Variants in DACT2 observed in about 807,000 individuals in gnomAD.
DACT2 encodes dapper homolog 2.
DACT2 carries 20 observed loss-of-function variants against 22.2 expected under a neutral mutation model. The observed-to-expected ratio is 0.90, with a 90% confidence interval of 0.63 to 1.31. The LOEUF (loss-of-function observed/expected upper bound fraction) is 1.31. Ranked by LOEUF, DACT2 falls within the 50% of genes most tolerant of loss-of-function variation. DACT2 has a pLI of 0.00. For synonymous variants in DACT2, 463 were observed against 479.8 expected (o/e 0.96, Z 0.46); for missense variants, 1,048 against 1,061.4 (o/e 0.99, Z 0.18).
intron 3 of DACT2, chr6:168,298,978 C>T (rs1458966991): frequency 6.6e-6 from 1 of 152,110 alleles, no homozygotes; most frequent in Non-Finnish European, 1.5e-5. Context: ...AATTATTAAT[C>T]ATATATACTC....
At chr6:168,313,138 C>T (rs907793774) in intron 1 of DACT2, among the ~76,000 whole-genome samples, 6 of 152,208 alleles carry the variant, frequency 3.9e-5, no homozygotes, top group African/African-American at 1.4e-4. Flanking sequence ...GCTCCACCTC[C>T]CGGGTTCAAG....
rs140863850 is a variant in DACT2, at chr6:168,297,711, CAG to C, written c.659-3009_659-3008del. Among the ~76,000 whole-genome samples the C allele has an allele frequency of 4.0e-4, 61 of 152,352 alleles. No homozygotes were observed. In the East Asian group the frequency reaches 5.6e-3, roughly 14 times the overall value. On this transcript the variant is annotated intron_variant, in intron 3 of 5. Transcript: ENST00000366796. The stretch of plus-strand genomic sequence containing the variant: ...CTGGGAGAGACATGGGGTATCTATA[CAG>C]AGAGAGTCTTGCTTGCGTGGACAGA...
At chr6:168,303,782 C>T (rs576698439), downstream of DACT2, among the ~76,000 whole-genome samples, 35 of 144,698 alleles carry the variant, frequency 2.4e-4, no homozygotes, top group Admixed American at 5.3e-4. Flanking sequence ...AGTAATGATA[C>T]GCTCTGTTTT....
exon 6 of DACT2, chr6:168,293,789 G>A (rs1778951422): frequency 5.8e-6 from 4 of 693,514 alleles, no homozygotes; most frequent in Non-Finnish European, 1.1e-5. Context: ...GCGGGCAGAG[G>A]GGGGCCGATG....
exon 6 of DACT2, chr6:168,293,828 C>T (rs1265621551): frequency 1.0e-5 from 7 of 701,868 alleles, no homozygotes; most frequent in Non-Finnish European, 1.8e-5. Flanking sequence ...GGGCCTGTGG[C>T]CAGGACCCGA....
intron 1 of DACT2, among the ~76,000 whole-genome samples, chr6:168,312,702 G>C (rs547972543): frequency 6.6e-6 from 1 of 152,314 alleles, no homozygotes; most frequent in Non-Finnish European, 1.5e-5. Flanking sequence ...TAATTATGTG[G>C]TTGTTTCTCT....
At chr6:168,301,484 G>T (rs1779103344) in intron 3 of DACT2, among the ~76,000 whole-genome samples, 1 of 152,190 alleles carries the variant, frequency 6.6e-6, no homozygotes, top group Admixed American at 6.5e-5. Flanking sequence ...GAGCCACATT[G>T]CCATCTTTAG....
At chr6:168,311,434 T>C in intron 1 of DACT2, 150 bp from the exon 2 acceptor site, 1 of 1,099,066 alleles carries the variant, frequency 9.1e-7, no homozygotes, top group Non-Finnish European at 1.3e-6. Context: ...CTGCCCCTGC[T>C]CACTCTGAAG....
chr6:168,303,569 C>T (rs530816405), downstream of DACT2, among the ~76,000 whole-genome samples: 1 of 152,318 alleles, frequency 6.6e-6, no homozygotes, highest in African/African-American at 2.4e-5. Context: ...AGCATAAAGG[C>T]CTTATCAGAT....
In DACT2 at chr6:168,307,501, G is replaced by A. The variant is rs1327601176; in HGVS notation, c.2256C>T (p.Ala752=). 1.9e-5 allele frequency: 30 copies of A among 1,551,534 alleles called. No homozygotes were observed. Among genetic ancestry groups the A allele is most frequent in the Non-Finnish European group, 2.4e-5 (27 of 1,147,000 alleles). ...GGATCTTCTTCTTCAGGGCCTTGGA[G>A]GCCTTAATACGGCACAGCTTGGGCA... ...SPVPKLCRIK[A]SKALKKKIRR... The change falls in exon 4 of 4, where the codon GCC becomes GCT. Residue 752 remains alanine, a synonymous_variant. Coordinates refer to ENST00000366795, the MANE Select transcript of DACT2 (RefSeq NM_214462.5). This position sits in a 1 kb window ranked among gnomAD's most constrained non-coding sequence, Gnocchi z 5.3.
At chr6:168,311,120 C>A (rs763977992) in intron 2 of DACT2, 32 bp downstream of exon 2, 38 of 1,499,580 alleles carry the variant, frequency 2.5e-5, no homozygotes, top group Admixed American at 8.2e-5. Context: ...CGTGCCTGCC[C>A]CTGTGTCCGG....
intron 3 of DACT2, among the ~76,000 whole-genome samples, chr6:168,297,856 G>A (rs1186399349): frequency 2.0e-5 from 3 of 152,280 alleles, no homozygotes; most frequent in African/African-American, 7.2e-5. Context: ...GCCCAGTCAA[G>A]GGCAGCACGG....
chr6:168,294,575 G>GTATATATATATATATATATATATATATA (rs778559132), intron 4 of DACT2: 1 of 323,524 alleles, frequency 3.1e-6, no homozygotes. Flanking sequence ...GTGTGTGTGT[G>GTATATATATATATATATATATATATATA]TGTATATATA....
chr6:168,314,735 T>A (rs1397899233), intron 1 of DACT2, among the ~76,000 whole-genome samples: 1 of 152,172 alleles, frequency 6.6e-6, no homozygotes, highest in Non-Finnish European at 1.5e-5. Flanking sequence ...AGATGGGATC[T>A]GAAACACCTC....
At chr6:168,306,842 G>C, downstream of DACT2, 1 of 971,972 alleles carries the variant, frequency 1.0e-6, no homozygotes, top group Non-Finnish European at 1.2e-6. Context: ...CCCTGTGATG[G>C]GCAGGCATGA....
chr6:168,314,159 G>C (rs182287327), intron 1 of DACT2, among the ~76,000 whole-genome samples: 9 of 152,304 alleles, frequency 5.9e-5, no homozygotes, highest in Non-Finnish European at 1.0e-4. Flanking sequence ...GCCAGCCCTA[G>C]AGCGTGATCT....
intron 3 of DACT2, among the ~76,000 whole-genome samples, chr6:168,309,809 C>A (rs758597954): frequency 5.8e-4 from 89 of 152,234 alleles, no homozygotes; most frequent in Non-Finnish European, 4.1e-4. Context: ...CCTGGGCCAG[C>A]GGGTGGGATC....
In DACT2 at chr6:168,310,154, T is replaced by C. The variant is rs1019638953; in HGVS notation, c.658+14A>G. 6 of 1,547,120 alleles carry C rather than the reference T, an allele frequency of 3.9e-6. No individual in the cohort carries two copies. In the Admixed American group the frequency reaches 1.2e-4, roughly 31 times the overall value. ...CCTGAGATGAGACCCCCACCTTCCC[T>C]GGCAGTTTCTTACCTGTAGACACAG... On this transcript the variant is annotated intron_variant, in intron 3 of 3. Transcript: ENST00000366795.
chr6:168,302,759 T>C (rs887887252), downstream of DACT2, among the ~76,000 whole-genome samples: 3 of 152,096 alleles, frequency 2.0e-5, no homozygotes, highest in Non-Finnish European at 2.9e-5. Context: ...CTCAGCACAT[T>C]TGGTAACTGA....
Sources: gnomAD v4.1 joint callset for allele counts (sites outside exome capture counted in the v4.1 genomes callset) on GRCh38, gnomAD v4.1.1 for gene constraint, Gnocchi (gnomAD v3.1) non-coding constraint, MANE v1.5 for transcripts, NCBI Gene and HGNC (gene_info 2026-07-23, HGNC 2026-07-21) for gene names.